The following LRRTM4 variants were observed in gnomAD, a reference collection of about 807,000 sequenced individuals.
The protein encoded by LRRTM4 is leucine-rich repeat transmembrane neuronal protein 4.
In LRRTM4, 25 loss-of-function variants were observed where a neutral mutation model predicts 47.6. The observed-to-expected ratio is 0.53, with a 90% CI of 0.38 to 0.73. The LOEUF (loss-of-function observed/expected upper bound fraction) is 0.73. Ranked by LOEUF, LRRTM4 falls within the 30% of genes least tolerant of loss-of-function variation. The pLI, the probability that LRRTM4 is intolerant of heterozygous loss-of-function variation, is 0.00. For missense variants in LRRTM4, 638 were observed against 713.4 expected, an observed-to-expected ratio of 0.89 and a Z score of 1.20; for synonymous variants, 311 against 269.5, an observed-to-expected ratio of 1.15 and a Z score of -1.51.
intron 3 of LRRTM4, among the ~76,000 whole-genome samples, chr2:77,384,414 G>T (rs1673183324): frequency 6.6e-6 from 1 of 151,604 alleles, no homozygotes. Context: ...AGTGTATTAG[G>T]ATATTATAAG....
intron 3 of LRRTM4, among the ~76,000 whole-genome samples, chr2:77,248,684 G>A (rs568447657): frequency 5.5e-4 from 83 of 152,138 alleles, no homozygotes; most frequent in African/African-American, 2.0e-3. Context: ...TATGGTACTG[G>A]CAAAATAATC....
At chr2:76,769,961 C>G (rs2104108777) in intron 3 of LRRTM4, among the ~76,000 whole-genome samples, 1 of 152,248 alleles carries the variant, frequency 6.6e-6, no homozygotes, top group Non-Finnish European at 1.5e-5. Context: ...TCATTTATCC[C>G]CATCCCAGAC....
intron 3 of LRRTM4, among the ~76,000 whole-genome samples, chr2:77,232,982 A>C (rs1675008737): frequency 6.6e-6 from 1 of 152,226 alleles, no homozygotes; most frequent in African/African-American, 2.4e-5. Context: ...AATCTTTAAA[A>C]GAAAATTACA....
At chr2:76,977,664 A>T (rs1166132488) in intron 3 of LRRTM4, among the ~76,000 whole-genome samples, 1 of 151,958 alleles carries the variant, frequency 6.6e-6, no homozygotes, top group African/African-American at 2.4e-5. Flanking sequence ...GTAAAGTTTT[A>T]GTTCTTTTAA....
intron 3 of LRRTM4, among the ~76,000 whole-genome samples, chr2:77,047,801 A>G (rs1558548503): frequency 6.6e-6 from 1 of 152,086 alleles, no homozygotes; most frequent in Non-Finnish European, 1.5e-5. Context: ...AACTCATAAC[A>G]TACAATAAAC....
intron 3 of LRRTM4, among the ~76,000 whole-genome samples, chr2:76,787,459 T>C (rs181903108): frequency 2.5e-4 from 38 of 152,236 alleles, no homozygotes; most frequent in African/African-American, 8.4e-4. Context: ...GGTAAGCCCA[T>C]TGTCTACTAA....
rs1386164771 is a variant in LRRTM4 at position 76,752,512 on chromosome 2, T to C, written c.1552-3596A>G. On this transcript the variant is annotated intron_variant, in intron 3 of 3. Transcript: ENST00000409884. ...GTAATTGAGGCAGGCTTAAAACCTC[T>C]TGGAGAGTAAAAACCATTGTAAAGT... Among the ~76,000 whole-genome samples, 9 of 152,194 alleles carry C rather than the reference T, an allele frequency of 5.9e-5. No individual in the cohort carries two copies. The East Asian group carries it at 1.7e-3, about 29-fold the overall frequency.
rs570576486 is a variant in LRRTM4 at position 77,060,990 on chromosome 2, C to T, written c.1552-312074G>A. 2.2e-4 allele frequency among the ~76,000 whole-genome samples: 33 copies of T among 152,098 alleles called. No homozygotes were observed. In the South Asian group the frequency reaches 2.5e-3, roughly 11 times the overall value. On this transcript the variant is annotated intron_variant, in intron 3 of 3. Coordinates refer to ENST00000409884, the MANE Select transcript of LRRTM4 (RefSeq NM_001134745.3). ...ATTATAAAGTTATATCAGTAAAAAACACAACAGTTTACTAGAATACCATAG... is the reference window on the plus strand; with the variant it reads ...ATTATAAAGTTATATCAGTAAAAAATACAACAGTTTACTAGAATACCATAG...
chr2:77,050,535 G>C (rs1679396814), intron 3 of LRRTM4, among the ~76,000 whole-genome samples: 1 of 152,094 alleles, frequency 6.6e-6, no homozygotes, highest in East Asian at 1.9e-4. Context: ...GGACAATAAA[G>C]ATAAGATATC....
intron 3 of LRRTM4, among the ~76,000 whole-genome samples, chr2:76,955,839 C>T (rs1359610495): frequency 2.0e-5 from 3 of 151,720 alleles, no homozygotes; most frequent in Non-Finnish European, 4.4e-5. Context: ...GACTTCCCAG[C>T]CTCCAAACTA....
chr2:77,106,045 C>G (rs1160649446), intron 3 of LRRTM4, among the ~76,000 whole-genome samples: 1 of 152,150 alleles, frequency 6.6e-6, no homozygotes, highest in Admixed American at 6.6e-5. Flanking sequence ...TTTGCACCAG[C>G]TTTCTATTTT....
At chr2:76,970,541 T>C (rs1249314981) in intron 3 of LRRTM4, among the ~76,000 whole-genome samples, 1 of 152,064 alleles carries the variant, frequency 6.6e-6, no homozygotes, top group Non-Finnish European at 1.5e-5. Flanking sequence ...ATCATATGAC[T>C]ATTAAAAATA....
chr2:77,088,960 G>A (rs1680826486), intron 3 of LRRTM4, among the ~76,000 whole-genome samples: 2 of 152,022 alleles, frequency 1.3e-5, no homozygotes, highest in African/African-American at 4.8e-5. Flanking sequence ...TAGAGACAAA[G>A]GAGACACGTT....
At chr2:77,418,181 T>G (rs934672588) in intron 3 of LRRTM4, among the ~76,000 whole-genome samples, 9 of 152,186 alleles carry the variant, frequency 5.9e-5, no homozygotes. Context: ...TTTGATATTT[T>G]TTTTGAGCAC....
chr2:77,420,181 G>A (rs1229439196), intron 3 of LRRTM4, among the ~76,000 whole-genome samples: 1 of 152,134 alleles, frequency 6.6e-6, no homozygotes, highest in Admixed American at 6.5e-5. Flanking sequence ...GCTGTTGCTG[G>A]GAGATCTCCC....
chr2:77,303,951 C>T (rs1677206090), intron 3 of LRRTM4, among the ~76,000 whole-genome samples: 1 of 152,266 alleles, frequency 6.6e-6, no homozygotes, highest in African/African-American at 2.4e-5. Flanking sequence ...ATACTGACTT[C>T]ATTTCCTTTG....
At chr2:77,148,469 GCC>G (rs1040766461) in intron 3 of LRRTM4, among the ~76,000 whole-genome samples, 1 of 151,936 alleles carries the variant, frequency 6.6e-6, no homozygotes, top group African/African-American at 2.4e-5. Flanking sequence ...AGTTGGCATT[GCC>G]CCAAACACAA....
At chr2:77,032,450 G>A (rs926642027) in intron 3 of LRRTM4, among the ~76,000 whole-genome samples, 22 of 151,976 alleles carry the variant, frequency 1.4e-4, no homozygotes, top group African/African-American at 4.6e-4. Context: ...TAGATTATGA[G>A]GTTCATGACA....
chr2:77,028,326 A>C (rs1283835996), intron 3 of LRRTM4, among the ~76,000 whole-genome samples: 2 of 152,230 alleles, frequency 1.3e-5, no homozygotes, highest in African/African-American at 4.8e-5. Flanking sequence ...AATGGAAATC[A>C]AGTGTCAGAA....
Sources: gnomAD v4.1 joint callset for allele counts (sites outside exome capture counted in the v4.1 genomes callset) on GRCh38, gnomAD v4.1.1 for gene constraint, MANE v1.5 for transcripts, NCBI Gene and HGNC (gene_info 2026-07-23, HGNC 2026-07-21) for gene names.